NELL1: variants seen among roughly 807,000 people sequenced by gnomAD.
NELL1 encodes the protein neural EGFL like 1.
NELL1 carries 76 observed loss-of-function variants against 107.4 expected under a neutral mutation model. That is an observed-to-expected ratio of 0.71 (90% confidence interval 0.59 to 0.86). The LOEUF (loss-of-function observed/expected upper bound fraction) is 0.86, where lower values mean the gene tolerates loss of function less well. NELL1 is among the 40% of genes least tolerant of loss of function. The pLI, the probability that NELL1 is intolerant of heterozygous loss-of-function variation, is 0.00. For missense variants in NELL1, 1,024 were observed against 1,005.5 expected (o/e 1.02, Z -0.25); for synonymous variants, 353 against 341.2 (o/e 1.03, Z -0.38).
intron 12 of NELL1, among the ~76,000 whole-genome samples, chr11:21,080,616 A>G (rs1215422520): frequency 2.0e-5 from 3 of 151,972 alleles, no homozygotes; most frequent in African/African-American, 7.2e-5. Flanking sequence ...TTCCAGGTTT[A>G]CTTCCAAAAA....
chr11:21,216,987 TC>T (rs1436067777), intron 13 of NELL1, among the ~76,000 whole-genome samples: 1 of 152,086 alleles, frequency 6.6e-6, no homozygotes, highest in East Asian at 1.9e-4. Context: ...GAATTGTAGT[TC>T]CCATAATGCC....
Position 21,057,592 on chromosome 11 carries a change from C to T in NELL1, c.1301-55997C>T, listed in dbSNP as rs529107762. Among the ~76,000 whole-genome samples the T allele has an allele frequency of 2.6e-3, 399 of 151,722 alleles. 3 individuals carry two copies. Among genetic ancestry groups the T allele is most frequent in the African/African-American group, 9.1e-3 (378 of 41,450 alleles). Reference sequence around the variant, plus strand: ...TCAAATGTATTAGTCTATATCCATACAATTAAAAAGTAGTATTTAAAATAA... The same window carrying T: ...TCAAATGTATTAGTCTATATCCATATAATTAAAAAGTAGTATTTAAAATAA... On this transcript the variant is annotated intron_variant, in intron 12 of 19. Transcript: ENST00000357134.
At chr11:20,723,104 T>C (rs1855429734) in intron 2 of NELL1, among the ~76,000 whole-genome samples, 1 of 152,120 alleles carries the variant, frequency 6.6e-6, no homozygotes, top group Admixed American at 6.5e-5. Flanking sequence ...GGGATTACCA[T>C]TCAAGATGAG....
intron 12 of NELL1, among the ~76,000 whole-genome samples, chr11:21,087,741 G>A (rs1854428851): frequency 6.6e-6 from 1 of 152,068 alleles, no homozygotes; most frequent in African/African-American, 2.4e-5. Flanking sequence ...ACCAAACCTG[G>A]CCTCCTGACG....
intron 14 of NELL1, among the ~76,000 whole-genome samples, chr11:21,305,127 T>C (rs1849580053): frequency 6.6e-6 from 1 of 152,010 alleles, no homozygotes. Context: ...AGGAGTGCAA[T>C]GGTTGATTCT....
intron 14 of NELL1, among the ~76,000 whole-genome samples, chr11:21,313,707 T>C (rs1849800234): frequency 6.6e-6 from 1 of 152,146 alleles, no homozygotes; most frequent in Non-Finnish European, 1.5e-5. Context: ...GTGCAGGGCA[T>C]CACATGGTAA....
intron 15 of NELL1, among the ~76,000 whole-genome samples, chr11:21,430,937 C>T (rs926456920): frequency 1.3e-5 from 2 of 151,924 alleles, no homozygotes; most frequent in African/African-American, 4.8e-5. Flanking sequence ...TAATTATGGT[C>T]TAGAATATAG....
chr11:20,783,804 A>G lies in NELL1; in HGVS notation c.309A>G (p.Ile103Met). The change falls in exon 3 of 20, where the codon ATA becomes ATG. Residue 103 changes from isoleucine (I) to methionine (M), a missense_variant. By Grantham distance (10) the Ile-to-Met change is conservative (BLOSUM62 1). Transcript: ENST00000357134. ...AGAAGCCATCCACTTCAGGAGTGATACTGTCCATTCGAGAACTGGAGCACA... is the reference window on the plus strand; with the variant it reads ...AGAAGCCATCCACTTCAGGAGTGATGCTGTCCATTCGAGAACTGGAGCACA... ...VQQKPSTSGV[I>M]LSIRELEHSY... is the part of the protein sequence containing the mutation. 6.2e-7 allele frequency: 1 copy of G among 1,613,542 alleles called. No individual in the cohort carries two copies. Among genetic ancestry groups the G allele is most frequent in the Non-Finnish European group, 8.5e-7 (1 of 1,179,772 alleles).
chr11:21,138,871 T>C (rs1438556666), intron 13 of NELL1, among the ~76,000 whole-genome samples: 1 of 152,170 alleles, frequency 6.6e-6, no homozygotes, highest in African/African-American at 2.4e-5. Flanking sequence ...TGTCTGCTCT[T>C]GTGCCAAAGC....
Position 20,909,937 on chromosome 11 carries a change from C to T in NELL1, c.604-8245C>T, listed in dbSNP as rs151044176. On this transcript the variant is annotated intron_variant, in intron 5 of 19. Coordinates refer to ENST00000357134, the MANE Select transcript of NELL1 (RefSeq NM_006157.5). ...GGTCCGTCACCATTACTGCATATAT[C>T]GGTTAGCTATTGCTGCACAACAAAC... Among the ~76,000 whole-genome samples, 108 of 152,300 alleles carry T rather than the reference C, an allele frequency of 7.1e-4. 1 individual carries two copies. Among genetic ancestry groups the T allele is most frequent in the Middle Eastern group, 3.4e-3 (1 of 294 alleles).
chr11:20,995,662 C>T, intron 12 of NELL1, among the ~76,000 whole-genome samples: 1 of 152,094 alleles, frequency 6.6e-6, no homozygotes, highest in Non-Finnish European at 1.5e-5. Flanking sequence ...TCAGTTCTTC[C>T]CCTTTGTTAT....
intron 13 of NELL1, among the ~76,000 whole-genome samples, chr11:21,219,470 A>G (rs1017590251): frequency 2.6e-5 from 4 of 152,154 alleles, no homozygotes; most frequent in Non-Finnish European, 4.4e-5. Flanking sequence ...GTGCAGAAGC[A>G]CTTTAGTTTA....
At chr11:20,953,136 C>G (rs1320472697) in intron 11 of NELL1, among the ~76,000 whole-genome samples, 2 of 152,150 alleles carry the variant, frequency 1.3e-5, no homozygotes, top group African/African-American at 4.8e-5. Flanking sequence ...ATATGCTGCC[C>G]TCACTATACC....
chr11:20,717,090 T>A (rs1855269826), intron 2 of NELL1, among the ~76,000 whole-genome samples: 1 of 152,216 alleles, frequency 6.6e-6, no homozygotes, highest in African/African-American at 2.4e-5. Context: ...AATATACATC[T>A]TCATGCATAC....
rs914499194 is a variant in NELL1, at chr11:20,678,070, C to T, written c.184+10C>T. On this transcript the variant is annotated intron_variant, in intron 2 of 19. Coordinates refer to ENST00000357134, the MANE Select transcript of NELL1 (RefSeq NM_006157.5). Reference sequence around the variant, plus strand: ...GCATTTTTATTTCAAGGTAAAGGCACCTCCTTTCTTGCATGGTGGCAGAGG... The same window carrying T: ...GCATTTTTATTTCAAGGTAAAGGCATCTCCTTTCTTGCATGGTGGCAGAGG... 7.4e-6 allele frequency: 12 copies of T among 1,613,800 alleles called. No homozygotes were observed. In the African/African-American group the frequency reaches 1.2e-4, roughly 16 times the overall value.
At chr11:20,693,242 C>T (rs1379963648) in intron 2 of NELL1, among the ~76,000 whole-genome samples, 4 of 152,054 alleles carry the variant, frequency 2.6e-5, no homozygotes, top group East Asian at 1.9e-4. Context: ...CTTTATCCAA[C>T]TTGCCAGTCT....
intron 3 of NELL1, among the ~76,000 whole-genome samples, chr11:20,846,019 G>A (rs1464780092): frequency 6.6e-6 from 1 of 152,172 alleles, no homozygotes; most frequent in African/African-American, 2.4e-5. Context: ...AGAAACTGGA[G>A]AATTCCCTTA....
chr11:21,255,816 C>T (rs544849531), intron 14 of NELL1, among the ~76,000 whole-genome samples: 96 of 152,122 alleles, frequency 6.3e-4, no homozygotes, highest in Non-Finnish European at 1.1e-3. Context: ...TTCTCACTTC[C>T]ACTTCTAATG....
intron 12 of NELL1, among the ~76,000 whole-genome samples, chr11:21,055,438 A>G (rs1853589520): frequency 6.6e-6 from 1 of 152,158 alleles, no homozygotes; most frequent in Non-Finnish European, 1.5e-5. Flanking sequence ...ATGTGAACAC[A>G]GTATCCCTCT....
Sources: gnomAD v4.1 joint callset for allele counts (sites outside exome capture counted in the v4.1 genomes callset) on GRCh38, gnomAD v4.1.1 for gene constraint, MANE v1.5 for transcripts, NCBI Gene and HGNC (gene_info 2026-07-23, HGNC 2026-07-21) for gene names.